The following NXN variants were observed in gnomAD, a reference collection of about 807,000 sequenced individuals.
The protein encoded by NXN is nucleoredoxin 1.
A neutral mutation model predicts 48.6 loss-of-function variants in NXN; 16 were observed. That is an observed-to-expected ratio of 0.33 (90% CI 0.22 to 0.50). The LOEUF (loss-of-function observed/expected upper bound fraction) is 0.50. Ranked by LOEUF, NXN falls within the 20% of genes least tolerant of loss-of-function variation. NXN has a pLI of 0.98. For synonymous variants in NXN, 281 were observed against 269.6 expected (o/e 1.04, Z -0.41); for missense variants, 492 against 605.5 (o/e 0.81, Z 1.97).
chr17:913,690 C>T (rs571042841), intron 1 of NXN, among the ~76,000 whole-genome samples: 6 of 151,832 alleles, frequency 4.0e-5, no homozygotes, highest in African/African-American at 7.3e-5. Context: ...ATGCAGAGAC[C>T]GGGACCCTTC....
intron 1 of NXN, among the ~76,000 whole-genome samples, chr17:892,028 A>C (rs1285896666): frequency 1.3e-4 from 19 of 150,158 alleles, no homozygotes; most frequent in Admixed American, 1.3e-3. Context: ...AACTAACCCC[A>C]CCATGCACAA....
intron 1 of NXN, among the ~76,000 whole-genome samples, chr17:945,777 T>A (rs773592647): frequency 5.9e-5 from 9 of 152,142 alleles, no homozygotes; most frequent in Non-Finnish European, 8.8e-5. Flanking sequence ...CCAGGCCCAA[T>A]GCCTGGGGAG....
intron 1 of NXN, among the ~76,000 whole-genome samples, chr17:939,349 T>G (rs1046283157): frequency 7.4e-6 from 1 of 134,484 alleles, no homozygotes; most frequent in East Asian, 2.0e-4. Flanking sequence ...ATCAGCTTTT[T>G]TTTTTTTTTT....
At chr17:837,987 T>C (rs1037218350) in intron 1 of NXN, among the ~76,000 whole-genome samples, 2 of 152,178 alleles carry the variant, frequency 1.3e-5, no homozygotes, top group African/African-American at 4.8e-5. Flanking sequence ...CCACCGAGCA[T>C]GATATATGCC....
In NXN at chr17:978,928, G is replaced by T. The variant is rs1014204953; in HGVS notation, c.360+391C>A. ...TGGCGCCTCTGCTCGCGGGTGAAGG[G>T]GTCGCGGAACCGGGATCCCCGAGCG... On this transcript the variant is annotated intron_variant, in intron 1 of 7. Coordinates refer to ENST00000336868, the MANE Select transcript of NXN (RefSeq NM_022463.5). This position sits in a 1 kb window ranked among gnomAD's most constrained non-coding sequence, Gnocchi z 4.1. Among the ~76,000 whole-genome samples, 5 of 151,212 alleles carry T rather than the reference G, an allele frequency of 3.3e-5. No individual in the cohort carries two copies. Among genetic ancestry groups the T allele is most frequent in the African/African-American group, 1.2e-4 (5 of 41,166 alleles).
intron 1 of NXN, among the ~76,000 whole-genome samples, chr17:832,816 G>A (rs1342771151): frequency 6.6e-6 from 1 of 152,026 alleles, no homozygotes; most frequent in Non-Finnish European, 1.5e-5. Context: ...TCCATTTACT[G>A]TTGGGTCTTT....
chr17:895,601 A>T (rs1213581859), intron 1 of NXN, among the ~76,000 whole-genome samples: 1 of 150,242 alleles, frequency 6.7e-6, no homozygotes, highest in Non-Finnish European at 1.5e-5. Flanking sequence ...TCACAGGGTC[A>T]GGAGATCAAG....
chr17:919,578 G>A lies in NXN; in HGVS notation c.360+59741C>T, dbSNP rs913007531. ...GCTTTCTACAGCACCTCCTCGTATC[G>A]TGGGTTACAGAACCTACGTCGTCCT... is the stretch of plus-strand genomic sequence containing the variant. On this transcript the variant is annotated intron_variant, in intron 1 of 7. Coordinates refer to ENST00000336868, the MANE Select transcript of NXN (RefSeq NM_022463.5). This position sits in a 1 kb window ranked among gnomAD's most constrained non-coding sequence, Gnocchi z 5.1. 3.9e-5 allele frequency among the ~76,000 whole-genome samples: 6 copies of A among 152,048 alleles called. No homozygotes were observed. Among genetic ancestry groups the A allele is most frequent in the African/African-American group, 7.2e-5 (3 of 41,384 alleles).
rs993315520 is a variant in NXN at position 945,705 on chromosome 17, T to C, written c.360+33614A>G. 3.3e-5 allele frequency among the ~76,000 whole-genome samples: 5 copies of C among 151,532 alleles called. No homozygotes were observed. In the South Asian group the frequency reaches 6.3e-4, roughly 19 times the overall value. ...CATCACAAAGTCGGTGGATATTAAA[T>C]GTATGATTGTTTTCATATCTTTAGC... On this transcript the variant is annotated intron_variant, in intron 1 of 7. Transcript: ENST00000336868.
intron 1 of NXN, among the ~76,000 whole-genome samples, chr17:841,470 G>GCC (rs1914234860): frequency 5.3e-5 from 2 of 38,074 alleles, no homozygotes; most frequent in African/African-American, 2.8e-4. Context: ...CATCTCACAC[G>GCC]GGCGAGCAGG....
At chr17:859,054 C>T (rs565236153) in intron 1 of NXN, among the ~76,000 whole-genome samples, 32 of 152,198 alleles carry the variant, frequency 2.1e-4, no homozygotes, top group Non-Finnish European at 3.7e-4. Flanking sequence ...GGATCTGGTT[C>T]GAAGGCCATG....
At chr17:843,364 A>T (rs1157223404) in intron 1 of NXN, among the ~76,000 whole-genome samples, 2 of 152,158 alleles carry the variant, frequency 1.3e-5, no homozygotes, top group Non-Finnish European at 2.9e-5. Context: ...GTTAGCTGGG[A>T]GCACAAACGG....
chr17:916,897 C>T (rs1303019346), intron 1 of NXN, among the ~76,000 whole-genome samples: 2 of 151,978 alleles, frequency 1.3e-5, no homozygotes, highest in Non-Finnish European at 2.9e-5. Context: ...AACTTCATCT[C>T]TAAAAAAAAA....
chr17:812,116 A>G (rs892930124), intron 5 of NXN, among the ~76,000 whole-genome samples: 7 of 149,894 alleles, frequency 4.7e-5, no homozygotes, highest in Admixed American at 1.3e-4. Context: ...TTTAATAGAG[A>G]CGGGGTTTCA....
chr17:807,729 C>T (rs1265044558), intron 5 of NXN, among the ~76,000 whole-genome samples: 1 of 152,240 alleles, frequency 6.6e-6, no homozygotes, highest in Non-Finnish European at 1.5e-5. Context: ...TCGTGTTCGG[C>T]CCCTGCACGG....
intron 1 of NXN, among the ~76,000 whole-genome samples, chr17:841,195 G>A (rs576009693): frequency 1.3e-5 from 2 of 152,348 alleles, no homozygotes; most frequent in South Asian, 4.1e-4. Context: ...GCACTCACAC[G>A]TGAATACTTC....
rs2069202700 is a variant in NXN at position 958,952 on chromosome 17, CACAT to C, written c.360+20363_360+20366del. 1 of 166,394 alleles carries C rather than the reference CACAT, an allele frequency of 6.0e-6. No homozygotes were observed. The highest frequency in any genetic ancestry group is 1.3e-5 in the Non-Finnish European group (1 of 78,168). The allele number at this position is 166,394 out of a possible 1,614,324, so 10.3% of individuals were successfully genotyped here. A position where few individuals can be genotyped will look rare whatever the true frequency, so the allele number is the denominator to read the frequency against. On this transcript the variant is annotated intron_variant, in intron 1 of 7. Coordinates refer to ENST00000336868, the MANE Select transcript of NXN (RefSeq NM_022463.5). The surrounding 1 kb of genome is among the most constrained non-coding windows in gnomAD (Gnocchi z 6.9). Reference sequence around the variant, plus strand: ...TCTTTAAAAAAGAAACACACACACACACATACACACACACACACACGATACGAGT... The same window carrying C: ...TCTTTAAAAAAGAAACACACACACACACACACACACACACACGATACGAGT...
chr17:955,774 C>T (rs866223149), intron 1 of NXN, among the ~76,000 whole-genome samples: 52 of 152,056 alleles, frequency 3.4e-4, no homozygotes, highest in African/African-American at 1.1e-3. Context: ...TGGTGGCGGG[C>T]GCCTGTAGTC....
intron 5 of NXN, among the ~76,000 whole-genome samples, chr17:805,572 T>A (rs189153118): frequency 2.6e-5 from 4 of 152,270 alleles, no homozygotes; most frequent in Admixed American, 2.6e-4. Context: ...AATGAGTTCA[T>A]GCGGTTAAAG....
Sources: gnomAD v4.1 joint callset for allele counts (sites outside exome capture counted in the v4.1 genomes callset) on GRCh38, gnomAD v4.1.1 for gene constraint, Gnocchi (gnomAD v3.1) non-coding constraint, MANE v1.5 for transcripts, NCBI Gene and HGNC (gene_info 2026-07-23, HGNC 2026-07-21) for gene names.